Variants in OCIAD2 observed in about 807,000 individuals in gnomAD.
The protein encoded by OCIAD2 is OCIA domain-containing protein 2.
OCIAD2 carries 29 observed loss-of-function variants against 22.9 expected under a neutral mutation model. That is an observed-to-expected ratio of 1.27 (90% confidence interval 0.94 to 1.73). OCIAD2 has a LOEUF of 1.73. Among genes scored for constraint, OCIAD2 ranks in the 40% most tolerant of loss-of-function variants. OCIAD2 has a pLI of 0.00. For synonymous variants in OCIAD2, 67 were observed against 60.2 expected, an observed-to-expected ratio of 1.11 and a Z score of -0.52; for missense variants, 189 against 180.3, an observed-to-expected ratio of 1.05 and a Z score of -0.28.
intron 5 of OCIAD2, 123 bp from the exon 6 acceptor site, chr4:48,893,012 ACT>A: frequency 1.7e-6 from 1 of 593,206 alleles, no homozygotes. Flanking sequence ...ATGAATGAAG[ACT>A]CTGAGAATGA....
intron 5 of OCIAD2, 34 bp from the exon 6 acceptor site, chr4:48,892,923 A>G (rs1176432027): frequency 9.5e-7 from 1 of 1,048,614 alleles, no homozygotes; most frequent in South Asian, 1.5e-5. Flanking sequence ...TTAGTTGAGA[A>G]TCTTCTCCAT....
intron 6 of OCIAD2, among the ~76,000 whole-genome samples, chr4:48,891,904 G>A (rs1781187649): frequency 6.6e-6 from 1 of 152,214 alleles, no homozygotes; most frequent in South Asian, 2.1e-4. Context: ...ACCTTCAGAA[G>A]GTCTCTGCAG....
intron 4 of OCIAD2, 55 bp from the exon 5 acceptor site, chr4:48,894,108 G>C: frequency 1.1e-5 from 10 of 905,212 alleles, no homozygotes; most frequent in Non-Finnish European, 1.6e-5. Flanking sequence ...TAAATTATAA[G>C]TTATAAATTA....
intron 1 of OCIAD2, among the ~76,000 whole-genome samples, chr4:48,906,053 C>T (rs1781517506): frequency 6.6e-6 from 1 of 152,208 alleles, no homozygotes; most frequent in Non-Finnish European, 1.5e-5. Flanking sequence ...TTGCTGACCA[C>T]GCCAAATTAG....
chr4:48,895,242 G>A (rs1419069096), intron 4 of OCIAD2, among the ~76,000 whole-genome samples: 2 of 152,150 alleles, frequency 1.3e-5, no homozygotes, highest in African/African-American at 2.4e-5. Context: ...ATACATTTGT[G>A]TTGTTTTAAG....
At chr4:48,899,520 G>A (rs1183882200) in intron 3 of OCIAD2, among the ~76,000 whole-genome samples, 1 of 152,146 alleles carries the variant, frequency 6.6e-6, no homozygotes, top group East Asian at 1.9e-4. Flanking sequence ...AATGTAGGAA[G>A]GTCCACTCTT....
chr4:48,903,121 T>G (rs1015731244), intron 2 of OCIAD2, among the ~76,000 whole-genome samples: 2 of 152,240 alleles, frequency 1.3e-5, no homozygotes, highest in Non-Finnish European at 2.9e-5. Context: ...GCTATTACAC[T>G]ATTTTTAGCT....
At chr4:48,903,932 A>AC (rs1207573495) in intron 2 of OCIAD2, among the ~76,000 whole-genome samples, 2 of 151,410 alleles carry the variant, frequency 1.3e-5, no homozygotes, top group Non-Finnish European at 2.9e-5. Context: ...GGCGTGAGCC[A>AC]CCGCGCCCAG....
At chr4:48,887,136 CT>C (rs1199816158) in intron 6 of OCIAD2, among the ~76,000 whole-genome samples, 2 of 152,142 alleles carry the variant, frequency 1.3e-5, no homozygotes, top group African/African-American at 4.8e-5. Context: ...GCATAAATGT[CT>C]TCTTTTGAGA....
chr4:48,892,089 A>G (rs1472505839), intron 6 of OCIAD2, among the ~76,000 whole-genome samples: 1 of 152,224 alleles, frequency 6.6e-6, no homozygotes, highest in Non-Finnish European at 1.5e-5. Context: ...GATAGAACCC[A>G]CTGTGACCAG....
In OCIAD2 at chr4:48,897,778, A is replaced by G. The variant is rs1246705923; in HGVS notation, c.217+26T>C. On this transcript the variant is annotated intron_variant, in intron 4 of 6. Transcript: ENST00000508632. Reference sequence around the variant, plus strand: ...AGTAAACTGGGCTCTCTGAAATTAGATTATTTAACAAATATTGAATCTTAC... The same window carrying G: ...AGTAAACTGGGCTCTCTGAAATTAGGTTATTTAACAAATATTGAATCTTAC... 3 of 1,571,874 alleles carry G rather than the reference A, an allele frequency of 1.9e-6. No homozygotes were observed. The Admixed American group carries it at 5.0e-5, about 26-fold the overall frequency.
intron 4 of OCIAD2, among the ~76,000 whole-genome samples, chr4:48,894,288 C>T (rs1282853904): frequency 4.6e-5 from 7 of 151,890 alleles, no homozygotes; most frequent in Admixed American, 1.3e-4. Flanking sequence ...GTCAGGAGTT[C>T]GAAACCAGCT....
At chr4:48,899,615 C>G (rs1781373205) in intron 3 of OCIAD2, among the ~76,000 whole-genome samples, 1 of 152,152 alleles carries the variant, frequency 6.6e-6, no homozygotes, top group African/African-American at 2.4e-5. Context: ...AAGTGTGCAT[C>G]ACTTTTTGCT....
chr4:48,891,468 C>G (rs1158895985), intron 6 of OCIAD2, among the ~76,000 whole-genome samples: 2 of 152,154 alleles, frequency 1.3e-5, no homozygotes, highest in African/African-American at 4.8e-5. Flanking sequence ...AAATGAAACC[C>G]CAGAACACAG....
rs888965094 is a variant in OCIAD2, at chr4:48,899,832, TC to T, written c.159del (p.Arg54GlufsTer8). The stretch of plus-strand genomic sequence containing the variant: ...ATACAGTGTTAGGTGCAATTACCTC[TC>T]TTCCAGAAACTTTCTTCCTGACATT... Reference protein sequence around the residue: ...MRECQEESFWKRALPFSLVSM... With the variant: ...MRECQEESFWXRALPFSLVSM... On this transcript the variant is annotated frameshift_variant, in exon 3 of 7. Coordinates refer to ENST00000508632, the MANE Select transcript of OCIAD2 (RefSeq NM_001014446.3). LOFTEE classifies it high-confidence loss of function. The T allele has an allele frequency of 3.3e-5, 53 of 1,610,344 alleles. 1 individual carries two copies. The Admixed American group carries it at 6.2e-4, about 19-fold the overall frequency.
At chr4:48,896,948 G>A (rs562419428) in intron 4 of OCIAD2, among the ~76,000 whole-genome samples, 2 of 152,284 alleles carry the variant, frequency 1.3e-5, no homozygotes, top group East Asian at 1.9e-4. Context: ...AAAACGCTAA[G>A]AGGCAGGGAG....
intron 6 of OCIAD2, 140 bp downstream of exon 6, chr4:48,892,632 C>T: frequency 2.0e-6 from 1 of 494,646 alleles, no homozygotes; most frequent in Non-Finnish European, 3.6e-6. Flanking sequence ...AGTTGGGTAA[C>T]AACAACGCTA....
intron 6 of OCIAD2, among the ~76,000 whole-genome samples, chr4:48,889,450 A>T (rs547979231): frequency 6.6e-6 from 1 of 152,360 alleles, no homozygotes; most frequent in Admixed American, 6.5e-5. Context: ...GGCAAAGGTT[A>T]TGAACAGACA....
At chr4:48,899,973 A>G (rs764182789) in intron 2 of OCIAD2, 48 bp from the exon 3 acceptor site, 1 of 1,392,688 alleles carries the variant, frequency 7.2e-7, no homozygotes, top group South Asian at 1.2e-5. Context: ...TTGAAAAATC[A>G]CCCACTTTGT....
Sources: allele counts gnomAD v4.1 joint callset (sites outside exome capture counted in the v4.1 genomes callset), GRCh38; gene constraint gnomAD v4.1.1; transcripts MANE v1.5; gene names NCBI Gene and HGNC (gene_info 2026-07-23, HGNC 2026-07-21).